The following AMTN variants were observed in gnomAD, a reference collection of about 807,000 sequenced individuals.
AMTN encodes the protein amelotin.
In AMTN, 29 loss-of-function variants were observed where a neutral mutation model predicts 27.4. That is an observed-to-expected ratio of 1.06 (90% CI 0.79 to 1.44). The LOEUF is 1.44. Ranked by LOEUF, AMTN falls within the 40% of genes most tolerant of loss-of-function variation. The pLI is 0.00. For synonymous variants in AMTN, 86 were observed against 95.7 expected (o/e 0.90, Z 0.59); for missense variants, 247 against 248.8 (o/e 0.99, Z 0.05).
chr4:70,525,924 G>A (rs986335489), intron 5 of AMTN, among the ~76,000 whole-genome samples: 2 of 151,850 alleles, frequency 1.3e-5, no homozygotes, highest in African/African-American at 4.8e-5. Flanking sequence ...GGAAAAGAAA[G>A]TCTCTGGAGG....
At position 70,531,177 on chromosome 4, in the gene AMTN, G is replaced by A; in HGVS notation, c.496G>A (p.Gly166Arg). 6.2e-7 allele frequency: 1 copy of A among 1,613,964 alleles called. No homozygotes were observed. Among genetic ancestry groups the A allele is most frequent in the Non-Finnish European group, 8.5e-7 (1 of 1,179,970 alleles). The change falls in exon 8 of 9, where the codon GGA (glycine) becomes AGA (arginine). Residue 166 changes from glycine (G) to arginine (R), a missense_variant. Physicochemically the swap from Gly to Arg is moderately radical, Grantham distance 125 (BLOSUM62 -2). Transcript: ENST00000339336. ...GGAGVNPATQ[G>R]TPAGRLPTPS... is the part of the protein sequence containing the mutation. The stretch of plus-strand genomic sequence containing the variant: ...AGCAGGTGTAAATCCTGCCACCCAG[G>A]GAACCCCAGCAGGCCGCCTCCCAAC...
At chr4:70,531,699 A>G (rs1168950811) in intron 8 of AMTN, among the ~76,000 whole-genome samples, 4 of 152,108 alleles carry the variant, frequency 2.6e-5, no homozygotes, top group Non-Finnish European at 5.9e-5. Context: ...TTTAATAGAG[A>G]CAGAGTTCAA....
In AMTN at chr4:70,518,761, A is replaced by G; in HGVS notation, c.-15-2A>G. 1 of 1,577,108 alleles carries G rather than the reference A, an allele frequency of 6.3e-7. No individual in the cohort carries two copies. Among genetic ancestry groups the G allele is most frequent in the Non-Finnish European group, 8.7e-7 (1 of 1,150,106 alleles). On this transcript the variant is annotated splice_acceptor_variant, in intron 1 of 8. Coordinates refer to ENST00000339336, the MANE Select transcript of AMTN (RefSeq NM_212557.4). LOFTEE classifies it low-confidence loss of function (5UTR_SPLICE). ...AAGAGTAACACTTTTTTGTTGTTGT[A>G]GGTAGCAATCTGAAACATGAGGAGT...
intron 7 of AMTN, 88 bp from the exon 8 acceptor site, chr4:70,530,951 C>T: frequency 4.0e-6 from 6 of 1,512,470 alleles, no homozygotes; most frequent in Non-Finnish European, 5.3e-6. Flanking sequence ...CTCCATCTTT[C>T]CATTCCTACC....
chr4:70,532,147 T>C (rs1736239617), intron 8 of AMTN, among the ~76,000 whole-genome samples: 1 of 152,190 alleles, frequency 6.6e-6, no homozygotes, highest in Non-Finnish European at 1.5e-5. Context: ...ACTGTAATAC[T>C]GCAAGCAGCC....
At chr4:70,526,709 T>C (rs1007805660) in intron 5 of AMTN, among the ~76,000 whole-genome samples, 1 of 152,168 alleles carries the variant, frequency 6.6e-6, no homozygotes, top group African/African-American at 2.4e-5. Context: ...CATCTTCATG[T>C]TCCCCAGAGA....
At chr4:70,529,790 A>G (rs772917230) in intron 7 of AMTN, among the ~76,000 whole-genome samples, 15 of 152,164 alleles carry the variant, frequency 9.9e-5, no homozygotes, top group Non-Finnish European at 1.6e-4. Flanking sequence ...AAACATGACA[A>G]CAGTACAGAA....
chr4:70,523,711 G>A (rs1736028294), intron 3 of AMTN, among the ~76,000 whole-genome samples, 157 bp from the exon 4 acceptor site: 1 of 152,190 alleles, frequency 6.6e-6, no homozygotes, highest in African/African-American at 2.4e-5. Context: ...CACAAAGGGA[G>A]CAATGCTAGT....
At chr4:70,525,102 A>G in intron 5 of AMTN, 141 bp downstream of exon 5, 1 of 696,684 alleles carries the variant, frequency 1.4e-6, no homozygotes, top group Non-Finnish European at 2.4e-6. Flanking sequence ...AACATAGACC[A>G]GTATTTGACA....
rs1462136886 is a variant in AMTN at position 70,524,871 on chromosome 4, G to A, written c.205-1G>A. On this transcript the variant is annotated splice_acceptor_variant, in intron 4 of 8. Coordinates refer to ENST00000339336, the MANE Select transcript of AMTN (RefSeq NM_212557.4). LOFTEE classifies it high-confidence loss of function. ...TGAAAGTCTTCTTCCTTGCCCTACAGTTAAATCCTGCTGCAGGAATGACAC... is the reference window on the plus strand; with the variant it reads ...TGAAAGTCTTCTTCCTTGCCCTACAATTAAATCCTGCTGCAGGAATGACAC... The A allele has an allele frequency of 6.2e-6, 10 of 1,613,712 alleles. No individual in the cohort carries two copies. The highest frequency in any genetic ancestry group is 4.0e-5 in the African/African-American group (3 of 74,882).
chr4:70,524,007 C>A (rs1736041040), intron 4 of AMTN, 74 bp downstream of exon 4: 2 of 1,245,812 alleles, frequency 1.6e-6, no homozygotes, highest in African/African-American at 3.0e-5. Context: ...GTGGGGGGAG[C>A]ATGTATATGG....
At chr4:70,528,953 C>G (rs1366277896) in intron 6 of AMTN, among the ~76,000 whole-genome samples, 195 bp downstream of exon 6, 2 of 152,130 alleles carry the variant, frequency 1.3e-5, no homozygotes, top group Non-Finnish European at 2.9e-5. Flanking sequence ...AAAATATATA[C>G]TTTTTGGATG....
At chr4:70,522,695 T>C in intron 2 of AMTN, 60 bp from the exon 3 acceptor site, 3 of 1,539,624 alleles carry the variant, frequency 1.9e-6, no homozygotes, top group Non-Finnish European at 9.0e-7. Flanking sequence ...TGGATATAAA[T>C]GGACACAAAA....
At chr4:70,528,893 G>T in intron 6 of AMTN, 135 bp downstream of exon 6, 1 of 752,874 alleles carries the variant, frequency 1.3e-6, no homozygotes, top group Non-Finnish European at 2.1e-6. Flanking sequence ...AATCACAAGA[G>T]CTTGCTTTCT....
chr4:70,528,640 A>G lies in AMTN; in HGVS notation c.295-83A>G, dbSNP rs1736149536. On this transcript the variant is annotated intron_variant, in intron 5 of 8. Coordinates refer to ENST00000339336, the MANE Select transcript of AMTN (RefSeq NM_212557.4). ...ACTCCAGCCTGGGCAACAGAGCAAG[A>G]CTCCATCTCCAAAAAAAGATATCAG... The G allele has an allele frequency of 2.4e-6, 3 of 1,238,460 alleles. No homozygotes were observed. The East Asian group carries it at 7.6e-5, about 31-fold the overall frequency. 76.7% of individuals were successfully genotyped at this position (1,238,460 alleles called of 1,614,324 possible).
intron 6 of AMTN, 107 bp from the exon 7 acceptor site, chr4:70,529,077 C>A: frequency 9.4e-7 from 1 of 1,062,728 alleles, no homozygotes; most frequent in Non-Finnish European, 1.3e-6. Flanking sequence ...AAGGCAAAAT[C>A]TGTATAATCT....
At chr4:70,525,762 T>C (rs1736088505) in intron 5 of AMTN, among the ~76,000 whole-genome samples, 1 of 151,956 alleles carries the variant, frequency 6.6e-6, no homozygotes, top group Admixed American at 6.6e-5. Context: ...TAGCCAGGCG[T>C]GGTGGGGCTC....
intron 5 of AMTN, among the ~76,000 whole-genome samples, chr4:70,527,739 T>C (rs1043468772): frequency 1.3e-5 from 2 of 152,206 alleles, no homozygotes; most frequent in Non-Finnish European, 2.9e-5. Flanking sequence ...GAAATAAGAA[T>C]AAATTTTTAA....
At chr4:70,522,900 A>G in intron 3 of AMTN, 62 bp downstream of exon 3, 1 of 1,520,618 alleles carries the variant, frequency 6.6e-7, no homozygotes, top group Non-Finnish European at 9.1e-7. Context: ...ACATGTACAA[A>G]CCGGTAAAGA....
Sources: allele counts gnomAD v4.1 joint callset (sites outside exome capture counted in the v4.1 genomes callset), GRCh38; gene constraint gnomAD v4.1.1; transcripts MANE v1.5; gene names NCBI Gene and HGNC (gene_info 2026-07-23, HGNC 2026-07-21).